Variants in MYO15A observed in about 807,000 individuals in gnomAD.
MYO15A encodes myosin XVA, also known as unconventional myosin-XV.
MYO15A carries 308 observed loss-of-function variants against 394.6 expected under a neutral mutation model. The ratio of observed to expected loss-of-function variants is 0.78; its 90% CI spans 0.71 to 0.86. The LOEUF (loss-of-function observed/expected upper bound fraction) is 0.86. Ranked by LOEUF, MYO15A falls within the 40% of genes least tolerant of loss-of-function variation. MYO15A has a pLI of 0.00. For synonymous variants in MYO15A, 1,957 were observed against 2,003.8 expected, an observed-to-expected ratio of 0.98 and a Z score of 0.62; for missense variants, 4,606 against 4,799.1, an observed-to-expected ratio of 0.96 and a Z score of 1.19.
At chr17:18,169,985 A>C (rs1187054706) in intron 62 of MYO15A, among the ~76,000 whole-genome samples, 1 of 150,684 alleles carries the variant, frequency 6.6e-6, no homozygotes, top group Non-Finnish European at 1.5e-5. Context: ...AAAAAAAAAA[A>C]AAAAAAAAAA....
chr17:18,169,061 C>G (rs2046898800), intron 62 of MYO15A, among the ~76,000 whole-genome samples: 2 of 149,406 alleles, frequency 1.3e-5, no homozygotes. Context: ...TGCAGTGAGC[C>G]GAGATTGTGC....
intron 56 of MYO15A, chr17:18,160,997 C>T (rs2046766010): frequency 4.3e-6 from 2 of 464,974 alleles, no homozygotes; most frequent in Admixed American, 3.0e-5. Context: ...GTCTCAGCAG[C>T]TTCCCCTTTT....
rs536413670 is a variant in MYO15A, at chr17:18,119,141, G to A, written c.341G>A (p.Arg114His). Residue 114 changes from arginine (R) to histidine (H), a missense_variant, in exon 2 of 66, where the codon CGC (arginine) becomes CAC (histidine). Physicochemically the swap from Arg to His is conservative, Grantham distance 29 (BLOSUM62 0). Coordinates refer to ENST00000647165, the MANE Select transcript of MYO15A (RefSeq NM_016239.4). ...TTCATGGTGATCCGCTTCCCAGGCCGCCGTGGCTACGGCCGCCTGCGGCCG... is the reference window on the plus strand; with the variant it reads ...TTCATGGTGATCCGCTTCCCAGGCCACCGTGGCTACGGCCGCCTGCGGCCG... ...PSFMVIRFPG[R>H]RGYGRLRPRA... is the part of the protein sequence containing the mutation. 26 of 1,611,740 alleles carry A rather than the reference G, an allele frequency of 1.6e-5. No homozygotes were observed. Among genetic ancestry groups the A allele is most frequent in the Non-Finnish European group, 2.0e-5 (24 of 1,179,606 alleles).
Position 18,145,985 on chromosome 17 carries a change from ACAGCTGGC to A in MYO15A, c.6390_6397del (p.Leu2131SerfsTer12). ...CTGAGCTGCGGGATGAGATCCTGGC[ACAGCTGGC>A]CAATCAGGTGTGGCACAATCACAAT... is the stretch of plus-strand genomic sequence containing the variant. On this transcript the variant is annotated frameshift_variant, in exon 30 of 66. Transcript: ENST00000647165. LOFTEE classifies it high-confidence loss of function. 1 of 1,613,852 alleles carries A rather than the reference ACAGCTGGC, an allele frequency of 6.2e-7. No individual in the cohort carries two copies. The highest frequency in any genetic ancestry group is 8.5e-7 in the Non-Finnish European group (1 of 1,180,014).
Position 18,151,880 on chromosome 17 carries a change from G to A in MYO15A, c.7822G>A (p.Asp2608Asn), listed in dbSNP as rs775747644. Residue 2608 changes from aspartate (D) to asparagine (N), a missense_variant, in exon 41 of 66, where the codon GAC becomes AAC. By Grantham distance (23) the Asp-to-Asn change is conservative. Transcript: ENST00000647165. ...CGGGAAAGTGTTCATGAAGCGGCCA[G>A]ACCCTCATGAGGAGGCCCTGATGAT... ...DGGKVFMKRP[D>N]PHEEALMILK... The A allele has an allele frequency of 2.0e-5, 32 of 1,578,530 alleles. No individual in the cohort carries two copies. Among genetic ancestry groups the A allele is most frequent in the East Asian group, 1.4e-4 (6 of 43,792 alleles).
chr17:18,119,271 C>G lies in MYO15A; in HGVS notation c.471C>G (p.Asp157Glu). The change falls in exon 2 of 66, where the codon GAC becomes GAG. Residue 157 changes from aspartate (D) to glutamate (E), a missense_variant. By Grantham distance (45) the Asp-to-Glu change is conservative. Around this residue, in one of 2 missense-constraint regions of MYO15A, gnomAD observed 1,830 missense variants for 1,689.7 expected, o/e 1.08. Coordinates refer to ENST00000647165, the MANE Select transcript of MYO15A (RefSeq NM_016239.4). Reference protein sequence around the residue: ...EESGSEQATVDAWLQRSSSRM... With the variant: ...EESGSEQATVEAWLQRSSSRM... ...CGGGCAGCGAACAGGCCACAGTGGA[C>G]GCCTGGCTGCAGCGCTCGAGCTCCC... 1 of 1,612,168 alleles carries G rather than the reference C, an allele frequency of 6.2e-7. No homozygotes were observed.
intron 7 of MYO15A, among the ~76,000 whole-genome samples, chr17:18,128,288 G>A (rs372552341): frequency 2.6e-5 from 4 of 152,260 alleles, no homozygotes; most frequent in African/African-American, 7.2e-5. Flanking sequence ...GGTGATGGAT[G>A]CACCACCAGC....
chr17:18,150,809 C>G lies in MYO15A; in HGVS notation c.7396-27C>G. 6.3e-7 allele frequency: 1 copy of G among 1,586,428 alleles called. No homozygotes were observed. The stretch of plus-strand genomic sequence containing the variant: ...GCTGGGGGGTGGAGAATGGACCTGC[C>G]TGGTCACCACTGCCACCTCTCCCCA... On this transcript the variant is annotated intron_variant, in intron 37 of 65. Coordinates refer to ENST00000647165, the MANE Select transcript of MYO15A (RefSeq NM_016239.4). The surrounding 1 kb of genome is among the most constrained non-coding windows in gnomAD (Gnocchi z 4.4).
rs934249137 is a variant in MYO15A at position 18,119,932 on chromosome 17, G to A, written c.1132G>A (p.Val378Ile). Reference protein sequence around the residue: ...YFDPYGVHYTVPYAEGVYGGG... With the variant: ...YFDPYGVHYTIPYAEGVYGGG... ...TGATCCCTACGGAGTCCACTACACC[G>A]TCCCCTATGCCGAAGGCGTCTATGG... is the stretch of plus-strand genomic sequence containing the variant. The change falls in exon 2 of 66, where the codon GTC (valine) becomes ATC (isoleucine). Residue 378 changes from valine to isoleucine, a missense_variant. Physicochemically the swap from Val to Ile is conservative, Grantham distance 29 (BLOSUM62 3). Coordinates refer to ENST00000647165, the MANE Select transcript of MYO15A (RefSeq NM_016239.4). 1.2e-6 allele frequency: 2 copies of A among 1,613,516 alleles called. No individual in the cohort carries two copies. The highest frequency in any genetic ancestry group is 1.7e-5 in the Admixed American group (1 of 60,022).
intron 12 of MYO15A, among the ~76,000 whole-genome samples, chr17:18,135,405 G>A (rs185308867): frequency 2.6e-5 from 4 of 151,938 alleles, no homozygotes; most frequent in Non-Finnish European, 4.4e-5. Context: ...GCAATGGCAC[G>A]GTTTCGGCTC....
intron 7 of MYO15A, among the ~76,000 whole-genome samples, 157 bp from the exon 8 acceptor site, chr17:18,130,648 G>A (rs1291092815): frequency 6.6e-6 from 1 of 152,022 alleles, no homozygotes; most frequent in East Asian, 1.9e-4. Flanking sequence ...CAGTCCCCAA[G>A]CCTGGACCCC....
chr17:18,167,522 G>T, intron 61 of MYO15A, 68 bp from the exon 62 acceptor site: 1 of 1,597,310 alleles, frequency 6.3e-7, no homozygotes, highest in Non-Finnish European at 8.5e-7. Context: ...CATGTCCCCA[G>T]GTCCCCTGCA....
intron 65 of MYO15A, among the ~76,000 whole-genome samples, chr17:18,174,867 G>A (rs1168573531): frequency 6.6e-6 from 1 of 152,176 alleles, no homozygotes; most frequent in Non-Finnish European, 1.5e-5. Flanking sequence ...GCAAGAGAGA[G>A]AGACTTCCAC....
In MYO15A at chr17:18,119,645, C is replaced by T. The variant is rs928809543; in HGVS notation, c.845C>T (p.Pro282Leu). The change falls in exon 2 of 66, where the codon CCG (proline) becomes CTG (leucine). Residue 282 changes from proline (P) to leucine (L), a missense_variant. Physicochemically the swap from Pro to Leu is moderately conservative, Grantham distance 98 (BLOSUM62 -3). Around this residue, in one of 2 missense-constraint regions of MYO15A, gnomAD observed 1,830 missense variants for 1,689.7 expected, o/e 1.08. Transcript: ENST00000647165. Reference protein sequence around the residue: ...PPYGDHYYGYPPEDPYDYYHP... With the variant: ...PPYGDHYYGYLPEDPYDYYHP... ...TACGGCGACCACTACTACGGGTACCCGCCCGAGGATCCCTACGACTACTAC... is the reference window on the plus strand; with the variant it reads ...TACGGCGACCACTACTACGGGTACCTGCCCGAGGATCCCTACGACTACTAC... The T allele has an allele frequency of 1.2e-5, 19 of 1,603,814 alleles. No individual in the cohort carries two copies. Among genetic ancestry groups the T allele is most frequent in the South Asian group, 2.2e-5 (2 of 91,084 alleles).
At chr17:18,118,423 G>A (rs2045822741) in intron 1 of MYO15A, among the ~76,000 whole-genome samples, 159 bp from the exon 2 acceptor site, 1 of 152,190 alleles carries the variant, frequency 6.6e-6, no homozygotes, top group African/African-American at 2.4e-5. Flanking sequence ...TCCCTTCATG[G>A]GGTTGAGCCA....
chr17:18,112,996 C>T lies in MYO15A; in HGVS notation c.-220+4172C>T, dbSNP rs140281704. ...CCAAGTAGCTAGGACTACAGGCACACGCTGCTACACCCAGCTAATTTTTTT... is the reference window on the plus strand; with the variant it reads ...CCAAGTAGCTAGGACTACAGGCACATGCTGCTACACCCAGCTAATTTTTTT... On this transcript the variant is annotated intron_variant, in intron 1 of 65. Coordinates refer to ENST00000647165, the MANE Select transcript of MYO15A (RefSeq NM_016239.4). Among the ~76,000 whole-genome samples, 426 of 152,144 alleles carry T rather than the reference C, an allele frequency of 2.8e-3. 4 individuals carry two copies. Among genetic ancestry groups the T allele is most frequent in the African/African-American group, 9.6e-3 (400 of 41,480 alleles).
chr17:18,175,204 C>T (rs2046997884), intron 65 of MYO15A, among the ~76,000 whole-genome samples: 1 of 151,520 alleles, frequency 6.6e-6, no homozygotes, highest in African/African-American at 2.4e-5. Context: ...TAAGCGTGAG[C>T]CACTGCACCC....
chr17:18,114,199 A>G (rs940763668), intron 1 of MYO15A, among the ~76,000 whole-genome samples: 1 of 143,872 alleles, frequency 7.0e-6, no homozygotes, highest in Non-Finnish European at 1.5e-5. Flanking sequence ...TGGTTTTAGT[A>G]TGCTCACAAG....
chr17:18,144,321 C>T (rs897737434), intron 28 of MYO15A, among the ~76,000 whole-genome samples, 176 bp from the exon 29 acceptor site: 6 of 150,438 alleles, frequency 4.0e-5, no homozygotes, highest in Non-Finnish European at 8.9e-5. Flanking sequence ...TCCCTACCAC[C>T]GACTTGCTGA....
Sources: allele counts gnomAD v4.1 joint callset (sites outside exome capture counted in the v4.1 genomes callset), GRCh38; gene constraint gnomAD v4.1.1; regional missense constraint gnomAD v4.1.1; non-coding constraint Gnocchi (gnomAD v3.1); transcripts MANE v1.5; gene names NCBI Gene and HGNC (gene_info 2026-07-23, HGNC 2026-07-21).